Variants in RNF19A observed in about 807,000 individuals in gnomAD.
The protein encoded by RNF19A is ring finger protein 19A, RBR E3 ubiquitin protein ligase.
RNF19A carries 32 observed loss-of-function variants against 75.7 expected under a neutral mutation model. That is an observed-to-expected ratio of 0.42 (90% CI 0.32 to 0.57). The LOEUF (loss-of-function observed/expected upper bound fraction) is 0.57, where lower values mean the gene tolerates loss of function less well. RNF19A is among the 20% of genes least tolerant of loss of function. The pLI, the probability that RNF19A is intolerant of heterozygous loss-of-function variation, is 0.10. For missense variants in RNF19A, 782 were observed against 1,036.3 expected, an observed-to-expected ratio of 0.75 and a Z score of 3.37; for synonymous variants, 335 against 345.2, an observed-to-expected ratio of 0.97 and a Z score of 0.33.
rs750236243 is a variant in RNF19A at position 100,288,084 on chromosome 8, C to T, written c.91G>A (p.Asp31Asn). Residue 31 changes from aspartate (D) to asparagine (N), a missense_variant, in exon 2 of 10, where the codon GAC becomes AAC. By Grantham distance (23) the Asp-to-Asn change is conservative (BLOSUM62 1). Around this residue, in one of 7 missense-constraint regions of RNF19A, gnomAD observed 148 missense variants for 147.9 expected, o/e 1.00. Transcript: ENST00000341084. Reference sequence around the variant, plus strand: ...CCCATTTGCCGATGTAAACTCATGTCTAAAATGCTTGTTAGAATTGAGACA... The same window carrying T: ...CCCATTTGCCGATGTAAACTCATGTTTAAAATGCTTGTTAGAATTGAGACA... Reference protein sequence around the residue: ...DPVSILTSILDMSLHRQMGSD... With the variant: ...DPVSILTSILNMSLHRQMGSD... 6.2e-7 allele frequency: 1 copy of T among 1,614,096 alleles called. No individual in the cohort carries two copies.
chr8:100,316,095 G>A lies in RNF19A; in HGVS notation c.-242-2723C>T, dbSNP rs1048375926. On this transcript the variant is annotated intron_variant, in intron 1 of 3. Coordinates refer to the RNF19A transcript ENST00000519527. The stretch of plus-strand genomic sequence containing the variant: ...ATGTGTTCGGAGTTTCTTCTTTCTG[G>A]TGGGTTCGTGGTCTCGCTGGCTCAG... 2.0e-5 allele frequency among the ~76,000 whole-genome samples: 3 copies of A among 152,076 alleles called. No individual in the cohort carries two copies. The South Asian group carries it at 6.2e-4, about 32-fold the overall frequency.
upstream of RNF19A, among the ~76,000 whole-genome samples, chr8:100,312,989 T>C (rs7819738): frequency 0.14 from 20,922 of 152,164 alleles, 4,451 homozygotes; most frequent in African/African-American, 0.45. Context: ...TTGCAATGCA[T>C]GACCAAGGTT....
intron 1 of RNF19A, among the ~76,000 whole-genome samples, chr8:100,334,873 A>G (rs1456230071): frequency 6.6e-6 from 1 of 152,152 alleles, no homozygotes; most frequent in Non-Finnish European, 1.5e-5. Flanking sequence ...CAAATTGACA[A>G]CTGTCTGCAC....
rs1405912479 is a variant in RNF19A, at chr8:100,325,199, C to T, written c.-243+10909G>A. On this transcript the variant is annotated intron_variant, in intron 1 of 3. Coordinates refer to the RNF19A transcript ENST00000519527. This position sits in a 1 kb window ranked among gnomAD's most constrained non-coding sequence, Gnocchi z 4.3. ...CTGGGATTATAGGCATGAGCCACTG[C>T]GCCCAGCTTAAAAGCATCGATTTTT... Among the ~76,000 whole-genome samples the T allele has an allele frequency of 6.6e-6, 1 of 152,182 alleles. No homozygotes were observed. Among genetic ancestry groups the T allele is most frequent in the Non-Finnish European group, 1.5e-5 (1 of 68,052 alleles).
chr8:100,321,718 A>G (rs1287554044), intron 1 of RNF19A, among the ~76,000 whole-genome samples: 2 of 152,254 alleles, frequency 1.3e-5, no homozygotes, highest in Non-Finnish European at 2.9e-5. Flanking sequence ...ATAAGACTTG[A>G]AAGTTGAAAT....
At position 100,264,037 on chromosome 8, in the gene RNF19A, C is replaced by T; in HGVS notation, c.1465G>A (p.Val489Ile). The T allele has an allele frequency of 6.2e-7, 1 of 1,612,676 alleles. No homozygotes were observed. Among genetic ancestry groups the T allele is most frequent in the Non-Finnish European group, 8.5e-7 (1 of 1,179,094 alleles). ...DINVGGTNTA[V>I]DTTSVAEARH... ...TTCCTTTGCTTAAAGGACTTACCTA[C>T]AGCTGTGTTAGTTCCACCAACATTT... The change falls in exon 7 of 10, where the codon GTA becomes ATA. Residue 489 changes from valine to isoleucine, a missense_variant. By Grantham distance (29) the Val-to-Ile change is conservative. Transcript: ENST00000341084. This position sits in a 1 kb window ranked among gnomAD's most constrained non-coding sequence, Gnocchi z 4.7.
rs562238967 is a variant in RNF19A, at chr8:100,288,789, G to T, written c.-93-522C>A. On this transcript the variant is annotated intron_variant, in intron 1 of 9. Transcript: ENST00000341084. ...AAAAAGTCCCATATAGGCCAGGCGC[G>T]GTGGCTCACGCCTGTAATCCCAGCA... 7.2e-5 allele frequency among the ~76,000 whole-genome samples: 11 copies of T among 152,216 alleles called. No homozygotes were observed. In the East Asian group the frequency reaches 7.7e-4, roughly 11 times the overall value.
intron 7 of RNF19A, among the ~76,000 whole-genome samples, chr8:100,262,898 A>T (rs1819791231): frequency 6.6e-6 from 1 of 152,122 alleles, no homozygotes; most frequent in Non-Finnish European, 1.5e-5. Context: ...ACAAGAGGGA[A>T]AAGAGGGAGG....
At chr8:100,271,170 T>A (rs1348893046) in intron 3 of RNF19A, among the ~76,000 whole-genome samples, 1 of 151,750 alleles carries the variant, frequency 6.6e-6, no homozygotes, top group African/African-American at 2.4e-5. Flanking sequence ...TTTTTTTTTT[T>A]AACTTAAGAT....
intron 7 of RNF19A, among the ~76,000 whole-genome samples, chr8:100,262,419 T>C (rs983390091): frequency 4.6e-5 from 7 of 152,116 alleles, no homozygotes; most frequent in Non-Finnish European, 7.4e-5. Context: ...CAGTGAGTCA[T>C]GAAATTTTCT....
rs764891138 is a variant in RNF19A, at chr8:100,274,990, A to G, written c.846T>C (p.Ser282=). The part of the protein sequence containing the change: ...AQSLRLRTIR[S]SSISYSQESG... ...ACTCTTGACTATAACTAATGGATGA[A>G]GAACGTATAGTTCTCAAACGTAAGC... Residue 282 remains serine (S), a synonymous_variant, in exon 3 of 10, where the codon TCT becomes TCC. Transcript: ENST00000341084. 3.1e-6 allele frequency: 5 copies of G among 1,614,140 alleles called. No individual in the cohort carries two copies. Among genetic ancestry groups the G allele is most frequent in the Non-Finnish European group, 4.2e-6 (5 of 1,179,980 alleles).
chr8:100,326,016 C>G (rs1024629303), intron 1 of RNF19A, among the ~76,000 whole-genome samples: 10 of 152,190 alleles, frequency 6.6e-5, no homozygotes, highest in African/African-American at 1.9e-4. Context: ...AAGCTATATG[C>G]TATCTGCTAT....
upstream of RNF19A, among the ~76,000 whole-genome samples, chr8:100,314,518 C>G (rs1351500704): frequency 6.6e-6 from 1 of 152,148 alleles, no homozygotes; most frequent in Non-Finnish European, 1.5e-5. The surrounding 1 kb of genome is among the most constrained non-coding windows in gnomAD (Gnocchi z 4.1). Context: ...GTGTCACAGC[C>G]TAAGTGAACA....
At chr8:100,282,772 A>T (rs1369875908) in intron 2 of RNF19A, among the ~76,000 whole-genome samples, 1 of 152,240 alleles carries the variant, frequency 6.6e-6, no homozygotes, top group East Asian at 1.9e-4. Flanking sequence ...GCAGGATGAG[A>T]ATGAGTTACA....
chr8:100,302,420 G>A (rs759827472), intron 1 of RNF19A, among the ~76,000 whole-genome samples: 11 of 152,282 alleles, frequency 7.2e-5, no homozygotes, highest in Middle Eastern at 3.4e-3. Context: ...AATGGGGAAG[G>A]CTATGAAACA....
chr8:100,264,615 C>CA lies in RNF19A; in HGVS notation c.1306+55dup. On this transcript the variant is annotated intron_variant, in intron 6 of 9. Transcript: ENST00000341084. This position sits in a 1 kb window ranked among gnomAD's most constrained non-coding sequence, Gnocchi z 4.7. ...AAAACAATTAAAAAAAATCCTTCCACAAAACTTTAACTCCATAAAATTGTA... is the reference window on the plus strand; with the variant it reads ...AAAACAATTAAAAAAAATCCTTCCACAAAAACTTTAACTCCATAAAATTGTA... 1 of 1,171,068 alleles carries CA rather than the reference C, an allele frequency of 8.5e-7. No homozygotes were observed. The highest frequency in any genetic ancestry group is 2.4e-5 in the East Asian group (1 of 42,190). 72.5% of individuals were successfully genotyped at this position (1,171,068 alleles called of 1,614,324 possible). A position where few individuals can be genotyped will look rare whatever the true frequency, so the allele number is the denominator to read the frequency against.
At chr8:100,304,484 C>A (rs1387659905) in intron 1 of RNF19A, among the ~76,000 whole-genome samples, 1 of 152,050 alleles carries the variant, frequency 6.6e-6, no homozygotes, top group Non-Finnish European at 1.5e-5. Flanking sequence ...CACTACTTAC[C>A]AGTTCCCACC....
chr8:100,309,615 C>G, intron 1 of RNF19A: 1 of 950,096 alleles, frequency 1.1e-6, no homozygotes, highest in Non-Finnish European at 1.3e-6. Flanking sequence ...CCCCGCGGCC[C>G]GGGAGACGCC....
chr8:100,279,364 GGTTTT>G lies in RNF19A; in HGVS notation c.675-4208_675-4204del, dbSNP rs533092214. On this transcript the variant is annotated intron_variant, in intron 2 of 9. Coordinates refer to ENST00000341084, the MANE Select transcript of RNF19A (RefSeq NM_183419.4). ...TCAAACATTTAATATTTGATTGCCA[GGTTTT>G]GTTTTGTTTTGTTTTGTTTTTTTAA... is the stretch of plus-strand genomic sequence containing the variant. Among the ~76,000 whole-genome samples the G allele has an allele frequency of 3.8e-3, 571 of 152,010 alleles. 2 individuals are homozygous for G. Among genetic ancestry groups the G allele is most frequent in the African/African-American group, 0.012 (502 of 41,480 alleles).
Sources: gnomAD v4.1 joint callset for allele counts (sites outside exome capture counted in the v4.1 genomes callset) on GRCh38, gnomAD v4.1.1 for gene constraint, gnomAD v4.1.1 regional missense constraint, Gnocchi (gnomAD v3.1) non-coding constraint, MANE v1.5 for transcripts, NCBI Gene and HGNC (gene_info 2026-07-23, HGNC 2026-07-21) for gene names.